SPATA16: variants seen among roughly 807,000 people sequenced by gnomAD.
SPATA16 encodes the protein spermatogenesis associated 16.
SPATA16 carries 36 observed loss-of-function variants against 63.3 expected under a neutral mutation model. That is an observed-to-expected ratio of 0.57 (90% CI 0.44 to 0.75). The LOEUF (loss-of-function observed/expected upper bound fraction) is 0.75, where lower values mean the gene tolerates loss of function less well. SPATA16 is among the 30% of genes least tolerant of loss of function. The pLI, the probability that SPATA16 is intolerant of heterozygous loss-of-function variation, is 0.00. For synonymous variants in SPATA16, 203 were observed against 216.7 expected, an observed-to-expected ratio of 0.94 and a Z score of 0.56; for missense variants, 646 against 679.3, an observed-to-expected ratio of 0.95 and a Z score of 0.54.
intron 6 of SPATA16, among the ~76,000 whole-genome samples, chr3:172,929,167 A>G (rs1373027848): frequency 6.6e-6 from 1 of 152,206 alleles, no homozygotes; most frequent in East Asian, 1.9e-4. Context: ...ACATCTTTTA[A>G]TGCATTCCTT....
At chr3:172,987,173 A>G (rs1734476904) in intron 4 of SPATA16, among the ~76,000 whole-genome samples, 1 of 152,330 alleles carries the variant, frequency 6.6e-6, no homozygotes, top group East Asian at 1.9e-4. Flanking sequence ...GCTCAAGGAA[A>G]CCATAAATGA....
chr3:173,024,745 TATTA>T (rs1309015175), intron 3 of SPATA16, among the ~76,000 whole-genome samples: 4 of 150,832 alleles, frequency 2.7e-5, no homozygotes, highest in African/African-American at 7.2e-5. Flanking sequence ...TAGGTTTAGC[TATTA>T]ATTCTACTGT....
intron 1 of SPATA16, among the ~76,000 whole-genome samples, chr3:173,130,855 A>T (rs1363811555): frequency 6.6e-6 from 1 of 152,170 alleles, no homozygotes; most frequent in African/African-American, 2.4e-5. Flanking sequence ...ATAGTGTTTT[A>T]GTGCTATTAT....
intron 3 of SPATA16, among the ~76,000 whole-genome samples, chr3:173,025,648 T>C (rs1398880402): frequency 6.6e-6 from 1 of 151,950 alleles, no homozygotes; most frequent in Non-Finnish European, 1.5e-5. Flanking sequence ...CAACCACTGA[T>C]CTATTTTCCA....
At chr3:173,050,413 G>T (rs73177025) in intron 2 of SPATA16, among the ~76,000 whole-genome samples, 3 of 152,128 alleles carry the variant, frequency 2.0e-5, no homozygotes, top group Admixed American at 1.3e-4. Flanking sequence ...AATGAAATAT[G>T]TTACTTTCTT....
At chr3:173,090,881 A>G (rs1737204724) in intron 2 of SPATA16, among the ~76,000 whole-genome samples, 1 of 152,198 alleles carries the variant, frequency 6.6e-6, no homozygotes, top group African/African-American at 2.4e-5. Flanking sequence ...ATTGCATGTA[A>G]TCACTACACA....
intron 3 of SPATA16, among the ~76,000 whole-genome samples, chr3:173,032,517 A>G (rs1735628805): frequency 6.6e-6 from 1 of 152,086 alleles, no homozygotes; most frequent in African/African-American, 2.4e-5. Context: ...GGGGGATTCA[A>G]ATAATACATT....
intron 6 of SPATA16, 117 bp downstream of exon 6, chr3:172,956,560 G>A: frequency 8.8e-7 from 1 of 1,137,126 alleles, no homozygotes; most frequent in South Asian, 1.5e-5. Flanking sequence ...CAAGTCATCA[G>A]ATGAAAACAG....
At chr3:173,120,110 A>T (rs1205285717) in intron 1 of SPATA16, among the ~76,000 whole-genome samples, 1 of 151,910 alleles carries the variant, frequency 6.6e-6, no homozygotes, top group Non-Finnish European at 1.5e-5. Flanking sequence ...AAGAGAGAGA[A>T]AAAAAGAAAG....
At chr3:172,939,849 A>G (rs1451387774) in intron 6 of SPATA16, among the ~76,000 whole-genome samples, 2 of 152,166 alleles carry the variant, frequency 1.3e-5, no homozygotes, top group Non-Finnish European at 2.9e-5. Context: ...CAATTTGCCA[A>G]AGAAACCAAC....
chr3:172,993,467 A>G (rs1734628451), intron 4 of SPATA16, among the ~76,000 whole-genome samples: 1 of 152,106 alleles, frequency 6.6e-6, no homozygotes, highest in Admixed American at 6.5e-5. Context: ...ATTGAGGGCC[A>G]AGGAAGAGTT....
At chr3:172,960,329 A>G (rs1176258230) in intron 5 of SPATA16, among the ~76,000 whole-genome samples, 2 of 152,352 alleles carry the variant, frequency 1.3e-5, no homozygotes, top group Admixed American at 6.5e-5. Flanking sequence ...TGGAGAAAAC[A>G]ATCAGTCCTT....
chr3:173,009,229 A>G (rs1443642111), intron 4 of SPATA16, among the ~76,000 whole-genome samples: 1 of 152,224 alleles, frequency 6.6e-6, no homozygotes, highest in Non-Finnish European at 1.5e-5. Flanking sequence ...CTTCAAATGC[A>G]TCCTCCAGGA....
At chr3:172,951,377 A>G (rs1332308732) in intron 6 of SPATA16, among the ~76,000 whole-genome samples, 1 of 152,122 alleles carries the variant, frequency 6.6e-6, no homozygotes, top group African/African-American at 2.4e-5. Context: ...CTCCCTCATC[A>G]GTCTCATAGA....
intron 2 of SPATA16, among the ~76,000 whole-genome samples, chr3:173,105,944 A>G (rs1737612809): frequency 7.6e-6 from 1 of 131,052 alleles, no homozygotes. Flanking sequence ...CCAATGTTCA[A>G]TGAACTCTGA....
chr3:173,127,802 A>C (rs913608184), intron 1 of SPATA16, among the ~76,000 whole-genome samples: 22 of 152,230 alleles, frequency 1.4e-4, no homozygotes, highest in Non-Finnish European at 2.9e-5. Flanking sequence ...AGATTTTTCC[A>C]CTTGCAACTT....
At chr3:173,020,916 A>C (rs1182917246) in intron 3 of SPATA16, among the ~76,000 whole-genome samples, 1 of 152,212 alleles carries the variant, frequency 6.6e-6, no homozygotes. Context: ...AGTGGTTCTT[A>C]ACCTTTTTTT....
At chr3:173,087,304 T>G (rs544719711) in intron 2 of SPATA16, among the ~76,000 whole-genome samples, 147 of 152,286 alleles carry the variant, frequency 9.7e-4, no homozygotes, top group African/African-American at 3.4e-3. Context: ...TTTTTGATCT[T>G]TGTTGGTTTG....
chr3:172,925,826 C>T (rs367952223), intron 6 of SPATA16, among the ~76,000 whole-genome samples: 5 of 151,880 alleles, frequency 3.3e-5, no homozygotes, highest in South Asian at 2.1e-4. Flanking sequence ...CAAGAGACTT[C>T]GATTTTTCTT....
Sources: gnomAD v4.1 joint callset for allele counts (sites outside exome capture counted in the v4.1 genomes callset) on GRCh38, gnomAD v4.1.1 for gene constraint, MANE v1.5 for transcripts, NCBI Gene and HGNC (gene_info 2026-07-23, HGNC 2026-07-21) for gene names.